ATP10B: variants seen among roughly 807,000 people sequenced by gnomAD.
The protein encoded by ATP10B is ATPase phospholipid transporting 10B (putative), also known as phospholipid-transporting ATPase VB.
ATP10B carries 122 observed loss-of-function variants against 141.2 expected under a neutral mutation model. That is an observed-to-expected ratio of 0.86 (90% CI 0.75 to 1.00). The LOEUF (loss-of-function observed/expected upper bound fraction) is 1.00. ATP10B is among the 50% of genes least tolerant of loss of function. The probability of loss-of-function intolerance (pLI) is 0.00; values close to 1 mark genes in which losing one functional copy is unlikely to be tolerated. For missense variants in ATP10B, 1,876 were observed against 1,825.3 expected (o/e 1.03, Z -0.51); for synonymous variants, 685 against 692.0 (o/e 0.99, Z 0.16).
chr5:160,842,707 A>T (rs1775881553), intron 1 of ATP10B, among the ~76,000 whole-genome samples: 1 of 152,004 alleles, frequency 6.6e-6, no homozygotes, highest in Admixed American at 6.6e-5. Context: ...CTTCTAGGAT[A>T]TAGCCCTAGA....
At position 160,591,120 on chromosome 5, in the gene ATP10B, A is replaced by G. The variant is rs771067595; in HGVS notation, c.3584T>C (p.Phe1195Ser). The part of the protein sequence containing the change: ...QNSECYNLST[F>S]WISMVDAFYQ... ...GAATGCATCCACCATAGAAATCCAG[A>G]AAGTCGACAGGTTATAGCACTGCCA... Residue 1195 changes from phenylalanine to serine, a missense_variant, in exon 23 of 26, where the codon TTC becomes TCC. By Grantham distance (155) the Phe-to-Ser change is radical. Transcript: ENST00000327245. 6.2e-7 allele frequency: 1 copy of G among 1,613,944 alleles called. No individual in the cohort carries two copies. Among genetic ancestry groups the G allele is most frequent in the African/African-American group, 1.3e-5 (1 of 74,934 alleles).
chr5:160,614,619 C>T (rs138531298), intron 17 of ATP10B: 2,501 of 152,306 alleles, frequency 0.016, 28 homozygotes, highest in Middle Eastern at 0.074. Context: ...CCTCTGCAGC[C>T]GAGACATAGG....
chr5:160,723,785 T>C lies in ATP10B; in HGVS notation c.-330-6751A>G, dbSNP rs142638286. 3.3e-3 allele frequency among the ~76,000 whole-genome samples: 501 copies of C among 152,262 alleles called. 3 individuals are homozygous for C. Among genetic ancestry groups the C allele is most frequent in the African/African-American group, 0.011 (456 of 41,522 alleles). On this transcript the variant is annotated intron_variant, in intron 2 of 25. Coordinates refer to ENST00000327245, the MANE Select transcript of ATP10B (RefSeq NM_025153.3). The stretch of plus-strand genomic sequence containing the variant: ...GGTCACCACTATATCTCCTACCTGA[T>C]TGCACTTTTATTTTGCCTCCTGAGT...
chr5:160,673,349 A>T (rs1177713892), intron 6 of ATP10B, among the ~76,000 whole-genome samples: 1 of 152,168 alleles, frequency 6.6e-6, no homozygotes, highest in Non-Finnish European at 1.5e-5. Context: ...TCGTACAGGC[A>T]TGCAATGTGT....
At chr5:160,569,796 C>A in intron 24 of ATP10B, 113 bp from the exon 25 acceptor site, 3 of 853,078 alleles carry the variant, frequency 3.5e-6, no homozygotes, top group African/African-American at 1.8e-5. Context: ...GCAAAACACA[C>A]AAAATTCAAA....
Position 160,821,016 on chromosome 5 carries a change from A to C in ATP10B, c.-576+30925T>G, listed in dbSNP as rs141445103. Reference sequence around the variant, plus strand: ...ATGTCTACTTTCACCTAGCTAGAGCAATCAGACAAGGGAAAGAAACCAAGC... The same window carrying C: ...ATGTCTACTTTCACCTAGCTAGAGCCATCAGACAAGGGAAAGAAACCAAGC... On this transcript the variant is annotated intron_variant, in intron 1 of 25. Coordinates refer to ENST00000327245, the MANE Select transcript of ATP10B (RefSeq NM_025153.3). Among the ~76,000 whole-genome samples the C allele has an allele frequency of 7.1e-3, 1,080 of 152,272 alleles. 15 individuals are homozygous for C. The highest frequency in any genetic ancestry group is 0.024 in the African/African-American group (1,013 of 41,574).
the ATP10B span, among the ~76,000 whole-genome samples, chr5:160,919,237 A>G: frequency 2.8e-5 from 4 of 144,040 alleles, no homozygotes; most frequent in Non-Finnish European, 4.6e-5. Flanking sequence ...AAAAAAAAAA[A>G]AAAAAAAAGC....
At chr5:160,645,268 T>G (rs1760197711) in intron 8 of ATP10B, among the ~76,000 whole-genome samples, 1 of 152,230 alleles carries the variant, frequency 6.6e-6, no homozygotes, top group Non-Finnish European at 1.5e-5. Context: ...GGACTGGCAG[T>G]GTTCACATGC....
At position 160,636,282 on chromosome 5, in the gene ATP10B, T is replaced by C; in HGVS notation, c.1028A>G (p.Glu343Gly). The change falls in exon 11 of 26, where the codon GAA becomes GGA. Residue 343 changes from glutamate to glycine, a missense_variant. By Grantham distance (98) the Glu-to-Gly change is moderately conservative (BLOSUM62 -2). Transcript: ENST00000327245. ...VGHSIWNGTF[E>G]EHPPFDVPDA... ...TGGCACATCGAAGGGAGGGTGTTCT[T>C]CAAAGGTCCCATTCCAGATGCTGTG... is the stretch of plus-strand genomic sequence containing the variant. 1 of 1,613,394 alleles carries C rather than the reference T, an allele frequency of 6.2e-7. No individual in the cohort carries two copies. Among genetic ancestry groups the C allele is most frequent in the Non-Finnish European group, 8.5e-7 (1 of 1,179,652 alleles).
intron 24 of ATP10B, among the ~76,000 whole-genome samples, chr5:160,580,414 G>T (rs1416160026): frequency 1.3e-5 from 2 of 152,102 alleles, no homozygotes; most frequent in African/African-American, 2.4e-5. Context: ...ATCTATTGAG[G>T]TAATTGTGTG....
chr5:160,799,502 TGTTA>T (rs1490927659), intron 1 of ATP10B, among the ~76,000 whole-genome samples: 13 of 152,344 alleles, frequency 8.5e-5, no homozygotes, highest in South Asian at 2.1e-4. Context: ...TCAAAGTCAC[TGTTA>T]ATTAATGCTG....
chr5:160,885,930 T>C, the ATP10B span, among the ~76,000 whole-genome samples: 3 of 152,218 alleles, frequency 2.0e-5, no homozygotes, highest in Non-Finnish European at 2.9e-5. Context: ...CAGGATCTGC[T>C]TCTTGATTCA....
chr5:160,672,734 A>AT (rs1003678198), intron 6 of ATP10B, among the ~76,000 whole-genome samples: 1 of 152,200 alleles, frequency 6.6e-6, no homozygotes, highest in Non-Finnish European at 1.5e-5. Flanking sequence ...TTCTGCTGGA[A>AT]TCTGAGCTGC....
At chr5:160,906,985 T>C in the ATP10B span, among the ~76,000 whole-genome samples, 2 of 152,122 alleles carry the variant, frequency 1.3e-5, no homozygotes, top group Non-Finnish European at 2.9e-5. Flanking sequence ...TGGGTATTTG[T>C]TATTTGTGGC....
the ATP10B span, among the ~76,000 whole-genome samples, chr5:160,926,561 G>C: frequency 6.6e-6 from 1 of 152,318 alleles, no homozygotes. Context: ...AAATCAAACA[G>C]ACAGGGCTGG....
Position 160,637,025 on chromosome 5 carries a change from C to CATCCATGA in ATP10B, c.1001-717_1001-716insTCATGGAT, listed in dbSNP as rs1759444742. ...CCATCAATCCATCCATCTATCCATC[C>CATCCATGA]ATCCATCCATCCATGAATCCATCCA... On this transcript the variant is annotated intron_variant, in intron 10 of 25. Transcript: ENST00000327245. 2.9e-5 allele frequency among the ~76,000 whole-genome samples: 3 copies of CATCCATGA among 102,746 alleles called. 1 individual carries two copies. Among genetic ancestry groups the CATCCATGA allele is most frequent in the East Asian group, 4.1e-4 (1 of 2,412 alleles). 67.4% of individuals were successfully genotyped at this position (102,746 alleles called of 152,430 possible). A position where few individuals can be genotyped will look rare whatever the true frequency, so the allele number is the denominator to read the frequency against.
At chr5:160,574,458 A>G (rs2127596702) in intron 24 of ATP10B, among the ~76,000 whole-genome samples, 1 of 152,206 alleles carries the variant, frequency 6.6e-6, no homozygotes, top group South Asian at 2.1e-4. Flanking sequence ...TTCTACATCT[A>G]ATGTTAGTGA....
chr5:160,871,097 G>A, the ATP10B span, among the ~76,000 whole-genome samples: 2 of 149,416 alleles, frequency 1.3e-5, no homozygotes, highest in Non-Finnish European at 3.0e-5. Context: ...GAAAATACAG[G>A]TCAGAAACTT....
the ATP10B span, among the ~76,000 whole-genome samples, chr5:160,899,479 G>A: frequency 5.9e-5 from 9 of 151,998 alleles, no homozygotes; most frequent in Admixed American, 1.3e-4. Flanking sequence ...TTGTGGTAAT[G>A]GTTTCACAGG....
Sources: gnomAD v4.1 joint callset for allele counts (sites outside exome capture counted in the v4.1 genomes callset) on GRCh38, gnomAD v4.1.1 for gene constraint, MANE v1.5 for transcripts, NCBI Gene and HGNC (gene_info 2026-07-23, HGNC 2026-07-21) for gene names.